KCNG3: variants seen among roughly 807,000 people sequenced by gnomAD.
The protein encoded by KCNG3 is potassium voltage-gated channel modifier subfamily G member 3.
In KCNG3, 15 loss-of-function variants were observed where a neutral mutation model predicts 29.0. The ratio of observed to expected loss-of-function variants is 0.52; its 90% confidence interval spans 0.35 to 0.80. The LOEUF (loss-of-function observed/expected upper bound fraction) is 0.80, where lower values mean the gene tolerates loss of function less well. Among genes scored for constraint, KCNG3 ranks in the 30% least tolerant of loss-of-function variants. The probability of loss-of-function intolerance (pLI) is 0.01; values close to 1 mark genes in which losing one functional copy is unlikely to be tolerated. For synonymous variants in KCNG3, 322 were observed against 248.9 expected (o/e 1.29, Z -2.76); for missense variants, 512 against 605.7 (o/e 0.85, Z 1.62).
At chr2:42,409,877 G>T in the KCNG3 span, among the ~76,000 whole-genome samples, 2,304 of 151,926 alleles carry the variant, frequency 0.015, 59 homozygotes, top group African/African-American at 0.052. Context: ...TGGACCTCCA[G>T]GTCTCCTAGC....
chr2:42,398,457 C>A, the KCNG3 span, among the ~76,000 whole-genome samples: 1 of 152,030 alleles, frequency 6.6e-6, no homozygotes, highest in South Asian at 2.1e-4. Flanking sequence ...CATGAAAAAT[C>A]TAAGCAGGTG....
At chr2:42,391,642 G>A in the KCNG3 span, among the ~76,000 whole-genome samples, 5 of 113,904 alleles carry the variant, frequency 4.4e-5, no homozygotes, top group Non-Finnish European at 6.5e-5. Context: ...TCGCTCTGTC[G>A]CCCAGGCTGG....
At chr2:42,468,452 C>A (rs1158063648) in intron 1 of KCNG3, among the ~76,000 whole-genome samples, 1 of 152,036 alleles carries the variant, frequency 6.6e-6, no homozygotes, top group Non-Finnish European at 1.5e-5. Context: ...ACAGCTATAT[C>A]AGCAAAAGGC....
At chr2:42,437,595 A>AT (rs146643621), downstream of KCNG3, among the ~76,000 whole-genome samples, 1,631 of 151,726 alleles carry the variant, frequency 0.011, 25 homozygotes, top group African/African-American at 0.037. Context: ...ATATGGTTTA[A>AT]TTTTTTTTTA....
chr2:42,484,031 C>CAGGGG (rs1673655549), intron 1 of KCNG3, among the ~76,000 whole-genome samples: 1 of 152,202 alleles, frequency 6.6e-6, no homozygotes, highest in African/African-American at 2.4e-5. Context: ...GATCCTCTCG[C>CAGGGG]CTCAGGCCTC....
chr2:42,466,961 C>T (rs1673157321), intron 1 of KCNG3, among the ~76,000 whole-genome samples: 1 of 151,876 alleles, frequency 6.6e-6, no homozygotes, highest in Non-Finnish European at 1.5e-5. Context: ...CCATGTTGGC[C>T]GGGCTGGTCT....
chr2:42,469,007 T>C lies in KCNG3; in HGVS notation c.665+23830A>G, dbSNP rs1673216493. On this transcript the variant is annotated intron_variant, in intron 1 of 1. Transcript: ENST00000306078. ...TGCCAACTCCCTAAATCCATAAATTTAATGCAAAAAATTTTAGTGTAATGT... is the reference window on the plus strand; with the variant it reads ...TGCCAACTCCCTAAATCCATAAATTCAATGCAAAAAATTTTAGTGTAATGT... Among the ~76,000 whole-genome samples the C allele has an allele frequency of 4.1e-5, 6 of 146,840 alleles. No homozygotes were observed. In the South Asian group the frequency reaches 1.3e-3, roughly 32 times the overall value.
the KCNG3 span, among the ~76,000 whole-genome samples, chr2:42,398,607 T>G: frequency 6.6e-6 from 1 of 152,204 alleles, no homozygotes; most frequent in Non-Finnish European, 1.5e-5. Context: ...AAATACAACT[T>G]GCAACAGTAG....
chr2:42,450,115 G>A (rs1672712450), intron 1 of KCNG3, among the ~76,000 whole-genome samples: 1 of 152,086 alleles, frequency 6.6e-6, no homozygotes, highest in African/African-American at 2.4e-5. Context: ...AAAAATACCA[G>A]AACATTTTCT....
At chr2:42,490,596 C>T (rs765197472) in intron 1 of KCNG3, among the ~76,000 whole-genome samples, 30 of 152,296 alleles carry the variant, frequency 2.0e-4, no homozygotes, top group Non-Finnish European at 3.7e-4. Flanking sequence ...ACCAACTTGA[C>T]ACCAACTTTT....
the KCNG3 span, among the ~76,000 whole-genome samples, chr2:42,405,452 T>G: frequency 6.6e-6 from 1 of 152,058 alleles, no homozygotes; most frequent in Non-Finnish European, 1.5e-5. Flanking sequence ...ATTTTTTTTT[T>G]TTTTGAGACG....
At chr2:42,481,977 G>A (rs1673596127) in intron 1 of KCNG3, among the ~76,000 whole-genome samples, 2 of 152,118 alleles carry the variant, frequency 1.3e-5, no homozygotes, top group South Asian at 4.1e-4. Context: ...CTAATCCCAT[G>A]AAAGATAACT....
intron 1 of KCNG3, among the ~76,000 whole-genome samples, chr2:42,445,957 C>A (rs886238504): frequency 4.0e-5 from 6 of 151,894 alleles, no homozygotes; most frequent in African/African-American, 1.5e-4. Flanking sequence ...GAACTCCTTA[C>A]GTCAGTTGTT....
chr2:42,396,744 T>C, the KCNG3 span, among the ~76,000 whole-genome samples: 1 of 152,152 alleles, frequency 6.6e-6, no homozygotes, highest in Admixed American at 6.6e-5. Flanking sequence ...GCAGTGAGAA[T>C]TCAAAGCCAA....
the KCNG3 span, among the ~76,000 whole-genome samples, chr2:42,423,357 C>T: frequency 5.9e-5 from 9 of 152,190 alleles, no homozygotes; most frequent in Non-Finnish European, 1.0e-4. Flanking sequence ...CCTGTTTTTC[C>T]TGACTTAGGT....
At chr2:42,465,550 G>A (rs554434432) in intron 1 of KCNG3, among the ~76,000 whole-genome samples, 3 of 152,220 alleles carry the variant, frequency 2.0e-5, no homozygotes, top group East Asian at 3.9e-4. Context: ...CAGGAGTAAT[G>A]TTTGTGACTG....
At chr2:42,449,513 T>G (rs1672694326) in intron 1 of KCNG3, among the ~76,000 whole-genome samples, 1 of 129,006 alleles carries the variant, frequency 7.8e-6, no homozygotes, top group Admixed American at 9.8e-5. Context: ...CACTGAGATT[T>G]CTTTTTTTTT....
rs1287884102 is a variant in KCNG3, at chr2:42,477,418, C to G, written c.665+15419G>C. Among the ~76,000 whole-genome samples, 241 of 49,316 alleles carry G rather than the reference C, an allele frequency of 4.9e-3. 1 individual carries two copies. The highest frequency in any genetic ancestry group is 0.011 in the African/African-American group (231 of 20,230). The allele number at this position is 49,316 out of a possible 152,430, so 32.4% of individuals were successfully genotyped here. A position where few individuals can be genotyped will look rare whatever the true frequency, so the allele number is the denominator to read the frequency against. On this transcript the variant is annotated intron_variant, in intron 1 of 1. Coordinates refer to ENST00000306078, the MANE Select transcript of KCNG3 (RefSeq NM_133329.6). Reference sequence around the variant, plus strand: ...ACACACACACACACACACACACACACACACATATATTTTTTTTTTTTTTTT... The same window carrying G: ...ACACACACACACACACACACACACAGACACATATATTTTTTTTTTTTTTTT...
the KCNG3 span, among the ~76,000 whole-genome samples, chr2:42,393,261 A>AT: frequency 7.5e-5 from 11 of 146,850 alleles, no homozygotes; most frequent in African/African-American, 2.7e-4. Flanking sequence ...TATCTCTTAC[A>AT]TTAAAAAAAA....
Sources: allele counts gnomAD v4.1 joint callset (sites outside exome capture counted in the v4.1 genomes callset), GRCh38; gene constraint gnomAD v4.1.1; transcripts MANE v1.5; gene names NCBI Gene and HGNC (gene_info 2026-07-23, HGNC 2026-07-21).